Variants in SPOCK3 observed in about 807,000 individuals in gnomAD.
SPOCK3 encodes SPARC (osteonectin), cwcv and kazal like domains proteoglycan 3, also known as testican-3.
Under a neutral mutation model 56.6 loss-of-function variants are expected in SPOCK3, and 30 were observed. The observed-to-expected ratio is 0.53, with a 90% confidence interval of 0.40 to 0.72. SPOCK3 has a LOEUF of 0.72. SPOCK3 is among the 30% of genes least tolerant of loss of function. The pLI is 0.00. For synonymous variants in SPOCK3, 196 were observed against 183.3 expected, an observed-to-expected ratio of 1.07 and a Z score of -0.56; for missense variants, 527 against 530.0, an observed-to-expected ratio of 0.99 and a Z score of 0.06.
chr4:167,163,945 TA>T (rs1417959693), intron 2 of SPOCK3, among the ~76,000 whole-genome samples: 1 of 152,144 alleles, frequency 6.6e-6, no homozygotes, highest in Non-Finnish European at 1.5e-5. Context: ...TATAGTCTAT[TA>T]GAAGAAAAGT....
At chr4:166,867,796 T>C (rs1391192213) in intron 6 of SPOCK3, among the ~76,000 whole-genome samples, 1 of 151,782 alleles carries the variant, frequency 6.6e-6, no homozygotes, top group Admixed American at 6.6e-5. Flanking sequence ...AAGTACCAGA[T>C]ACTAATTTGT....
chr4:166,927,669 A>G (rs28890870), intron 4 of SPOCK3, among the ~76,000 whole-genome samples: 2,206 of 152,266 alleles, frequency 0.014, 51 homozygotes, highest in African/African-American at 0.051. Flanking sequence ...TCGGTTTTGG[A>G]AAGTTTTTTT....
chr4:167,121,660 T>C (rs1323552247), intron 2 of SPOCK3, among the ~76,000 whole-genome samples: 1 of 152,158 alleles, frequency 6.6e-6, no homozygotes, highest in Non-Finnish European at 1.5e-5. Flanking sequence ...TCATTTCTAA[T>C]CTTGGAAAAA....
At chr4:166,952,979 C>T (rs899909044) in intron 4 of SPOCK3, among the ~76,000 whole-genome samples, 1 of 151,022 alleles carries the variant, frequency 6.6e-6, no homozygotes, top group East Asian at 1.9e-4. Context: ...ACCATAAAAA[C>T]CCTAGAAGAA....
chr4:167,059,831 G>C (rs1466900027), intron 3 of SPOCK3, among the ~76,000 whole-genome samples: 2 of 152,138 alleles, frequency 1.3e-5, no homozygotes, highest in Non-Finnish European at 2.9e-5. Context: ...CATAAAAAAT[G>C]ATGAGTTCAT....
At chr4:167,132,331 T>C (rs549426547) in intron 2 of SPOCK3, among the ~76,000 whole-genome samples, 1 of 152,362 alleles carries the variant, frequency 6.6e-6, no homozygotes, top group African/African-American at 2.4e-5. Context: ...ACCAAGCATT[T>C]ATCTTTCAAT....
chr4:167,056,983 G>C (rs1345066866), intron 3 of SPOCK3, among the ~76,000 whole-genome samples: 2 of 152,042 alleles, frequency 1.3e-5, no homozygotes, highest in Non-Finnish European at 2.9e-5. Context: ...TCACATAATT[G>C]TCAGGTTCAC....
chr4:167,031,457 G>T (rs1752265901), intron 3 of SPOCK3, among the ~76,000 whole-genome samples: 4 of 151,954 alleles, frequency 2.6e-5, no homozygotes. Flanking sequence ...CAGTTACTGT[G>T]ATCAAATTAT....
At chr4:166,945,365 A>G (rs1484319561) in intron 4 of SPOCK3, among the ~76,000 whole-genome samples, 1 of 152,230 alleles carries the variant, frequency 6.6e-6, no homozygotes, top group Non-Finnish European at 1.5e-5. Flanking sequence ...ATTATAAATC[A>G]TGATGATTCT....
intron 7 of SPOCK3, among the ~76,000 whole-genome samples, chr4:166,791,738 G>A (rs1320392429): frequency 6.6e-6 from 1 of 151,432 alleles, no homozygotes; most frequent in African/African-American, 2.4e-5. Context: ...ATCCTCTCTT[G>A]TCTACTGATC....
intron 2 of SPOCK3, among the ~76,000 whole-genome samples, chr4:167,062,812 A>G (rs1437282278): frequency 6.6e-6 from 1 of 151,874 alleles, no homozygotes; most frequent in East Asian, 1.9e-4. Flanking sequence ...TACTATAACA[A>G]TTTAACTATT....
intron 8 of SPOCK3, among the ~76,000 whole-genome samples, chr4:166,751,264 T>G (rs1278204840): frequency 6.6e-6 from 1 of 152,174 alleles, no homozygotes; most frequent in African/African-American, 2.4e-5. Flanking sequence ...CCCCATGCAC[T>G]ACACTTTGAC....
At chr4:167,141,119 A>G (rs1476743523) in intron 2 of SPOCK3, among the ~76,000 whole-genome samples, 1 of 151,986 alleles carries the variant, frequency 6.6e-6, no homozygotes, top group Non-Finnish European at 1.5e-5. Context: ...GCTTAAGGTG[A>G]TAAGTCCTGA....
chr4:167,028,901 G>C (rs996279635), intron 3 of SPOCK3, among the ~76,000 whole-genome samples: 2 of 151,884 alleles, frequency 1.3e-5, no homozygotes, highest in African/African-American at 2.4e-5. Flanking sequence ...ACAACACTAG[G>C]ATCTTAGCAA....
intron 5 of SPOCK3, among the ~76,000 whole-genome samples, chr4:166,897,733 TG>T (rs1735541968): frequency 6.6e-6 from 1 of 152,180 alleles, no homozygotes; most frequent in Admixed American, 6.5e-5. Flanking sequence ...ACAGTTCTAG[TG>T]GTTTTTGGCA....
intron 4 of SPOCK3, among the ~76,000 whole-genome samples, chr4:166,941,129 A>T (rs1376508341): frequency 6.6e-6 from 1 of 152,110 alleles, no homozygotes; most frequent in Admixed American, 6.5e-5. Flanking sequence ...GTCACAGTTA[A>T]AACAGATTCA....
chr4:166,957,171 T>C (rs1177295166), intron 4 of SPOCK3, among the ~76,000 whole-genome samples: 1 of 152,162 alleles, frequency 6.6e-6, no homozygotes, highest in Non-Finnish European at 1.5e-5. Flanking sequence ...GGAGGATCAC[T>C]TGAGCCTAGG....
At chr4:167,082,426 T>C (rs2150292274) in intron 2 of SPOCK3, among the ~76,000 whole-genome samples, 1 of 152,152 alleles carries the variant, frequency 6.6e-6, no homozygotes, top group African/African-American at 2.4e-5. Context: ...AAACTGGCCA[T>C]TGTCTGTTTG....
At chr4:167,094,961 T>C (rs1759023946) in intron 2 of SPOCK3, among the ~76,000 whole-genome samples, 1 of 151,982 alleles carries the variant, frequency 6.6e-6, no homozygotes, top group South Asian at 2.1e-4. Context: ...AGTGGGACAA[T>C]GGTATAAGTT....
Sources: allele counts gnomAD v4.1 joint callset (sites outside exome capture counted in the v4.1 genomes callset), GRCh38; gene constraint gnomAD v4.1.1; transcripts MANE v1.5; gene names NCBI Gene and HGNC (gene_info 2026-07-23, HGNC 2026-07-21).